FAT3: variants seen among roughly 807,000 people sequenced by gnomAD.
FAT3 encodes the protein protocadherin Fat 3.
A neutral mutation model predicts 310.2 loss-of-function variants in FAT3; 95 were observed. The ratio of observed to expected loss-of-function variants is 0.31; its 90% confidence interval spans 0.26 to 0.36. FAT3 has a LOEUF of 0.36. Among genes scored for constraint, FAT3 ranks in the 10% least tolerant of loss-of-function variants. The pLI is 1.00. For missense variants in FAT3, 5,408 were observed against 5,715.6 expected, an observed-to-expected ratio of 0.95 and a Z score of 1.74; for synonymous variants, 2,314 against 2,192.9, an observed-to-expected ratio of 1.06 and a Z score of -1.54.
chr11:92,444,716 A>G lies in FAT3; in HGVS notation c.3293-79918A>G, dbSNP rs573716093. On this transcript the variant is annotated intron_variant, in intron 2 of 27. Coordinates refer to ENST00000525166, the MANE Select transcript of FAT3 (RefSeq NM_001367949.2). ...TTTTCTTAGAAGCACACTAATTTTT[A>G]GGACTAGATGGATCAGTTTTATAGC... Among the ~76,000 whole-genome samples the G allele has an allele frequency of 4.0e-5, 6 of 151,288 alleles. No individual in the cohort carries two copies. In the East Asian group the frequency reaches 1.2e-3, roughly 30 times the overall value.
chr11:92,476,160 A>G (rs1432778325), intron 2 of FAT3, among the ~76,000 whole-genome samples: 2 of 151,994 alleles, frequency 1.3e-5, no homozygotes, highest in African/African-American at 4.8e-5. Flanking sequence ...AAAGAGGTCT[A>G]CCAAATACTG....
At position 92,430,189 on chromosome 11, in the gene FAT3, C is replaced by A. The variant is rs141020938; in HGVS notation, c.3292+74785C>A. On this transcript the variant is annotated intron_variant, in intron 2 of 27. Transcript: ENST00000525166. ...ATTCAGCTATTGATACTTGTGTGTG[C>A]TTCACAAAGTCCTCATGCTGTGTTT... is the stretch of plus-strand genomic sequence containing the variant. Among the ~76,000 whole-genome samples the A allele has an allele frequency of 6.6e-4, 101 of 152,278 alleles. No homozygotes were observed. In the East Asian group the frequency reaches 0.013, roughly 20 times the overall value.
At chr11:92,689,223 T>C (rs1278490100) in intron 3 of FAT3, among the ~76,000 whole-genome samples, 1 of 152,182 alleles carries the variant, frequency 6.6e-6, no homozygotes, top group African/African-American at 2.4e-5. Context: ...CTAGCCAGTA[T>C]ACTACAATGC....
At chr11:92,559,068 G>A (rs1216541115) in intron 3 of FAT3, among the ~76,000 whole-genome samples, 32 of 152,130 alleles carry the variant, frequency 2.1e-4, no homozygotes, top group Admixed American at 2.1e-3. Flanking sequence ...AAGAGGTGAG[G>A]AAATTGAGAT....
intron 19 of FAT3, among the ~76,000 whole-genome samples, chr11:92,854,384 C>T (rs552279589): frequency 3.3e-5 from 5 of 152,234 alleles, no homozygotes; most frequent in African/African-American, 1.2e-4. Flanking sequence ...CCCAGGAGTG[C>T]AGGGTTCACA....
Position 92,835,066 on chromosome 11 carries a change from G to A in FAT3, c.10068G>A (p.Val3356=), listed in dbSNP as rs1948370989. ...YSAVISEDAL[V]GDSVILLIAE... is the part of the protein sequence containing the mutation. ...CGGTTATCAGTGAAGACGCCTTGGT[G>A]GGAGACTCTGTCATTTTGGTAGGTA... Residue 3356 remains valine (V), a synonymous_variant, in exon 15 of 28, where the codon GTG becomes GTA. Transcript: ENST00000525166. 2 of 1,612,432 alleles carry A rather than the reference G, an allele frequency of 1.2e-6. No individual in the cohort carries two copies. The highest frequency in any genetic ancestry group is 1.7e-6 in the Non-Finnish European group (2 of 1,179,446).
chr11:92,291,080 T>TACACACACAC (rs141883138), intron 1 of FAT3, among the ~76,000 whole-genome samples: 22,550 of 142,598 alleles, frequency 0.16, 1,998 homozygotes, highest in East Asian at 0.25. Flanking sequence ...CTTTTTATTC[T>TACACACACAC]ACACACACAC....
intron 2 of FAT3, among the ~76,000 whole-genome samples, chr11:92,468,309 C>G (rs1951822941): frequency 6.6e-6 from 1 of 152,198 alleles, no homozygotes; most frequent in Admixed American, 6.6e-5. Context: ...TTCTCTTAGA[C>G]AAAAGGACAC....
At chr11:92,813,217 C>T (rs961575056) in intron 13 of FAT3, among the ~76,000 whole-genome samples, 3 of 152,120 alleles carry the variant, frequency 2.0e-5, no homozygotes, top group African/African-American at 7.2e-5. Flanking sequence ...CTTGTGTTAC[C>T]TCCTGACCTC....
chr11:92,512,592 A>T (rs1287029810), intron 2 of FAT3, among the ~76,000 whole-genome samples: 2 of 147,326 alleles, frequency 1.4e-5, no homozygotes, highest in Non-Finnish European at 3.0e-5. Flanking sequence ...TTTATATATT[A>T]AATATGTTTT....
intron 2 of FAT3, among the ~76,000 whole-genome samples, chr11:92,486,789 C>T (rs775734047): frequency 7.2e-5 from 11 of 152,172 alleles, no homozygotes; most frequent in African/African-American, 1.4e-4. Context: ...CAGAGGTGAA[C>T]TCTGATCCTT....
chr11:92,561,445 T>TA, intron 3 of FAT3, among the ~76,000 whole-genome samples: 1 of 152,146 alleles, frequency 6.6e-6, no homozygotes. Context: ...CATTTGAAAA[T>TA]ACTTGAGAGT....
At chr11:92,510,219 C>T (rs1300480014) in intron 2 of FAT3, among the ~76,000 whole-genome samples, 3 of 152,276 alleles carry the variant, frequency 2.0e-5, no homozygotes, top group East Asian at 1.9e-4. Flanking sequence ...ACAACCTCCA[C>T]GTTTTCAGTC....
chr11:92,438,193 A>G (rs1950988297), intron 2 of FAT3, among the ~76,000 whole-genome samples: 1 of 152,252 alleles, frequency 6.6e-6, no homozygotes, highest in Admixed American at 6.5e-5. Flanking sequence ...AAAATAAAAT[A>G]AAGACATGTT....
chr11:92,571,031 G>T (rs940920965), intron 3 of FAT3, among the ~76,000 whole-genome samples: 1 of 152,146 alleles, frequency 6.6e-6, no homozygotes, highest in East Asian at 1.9e-4. Context: ...ACCAAAGACC[G>T]TGCTGGGTCC....
intron 1 of FAT3, among the ~76,000 whole-genome samples, chr11:92,255,457 G>A (rs1319954566): frequency 6.6e-6 from 1 of 151,702 alleles, no homozygotes; most frequent in Non-Finnish European, 1.5e-5. Context: ...CACAGAGTAT[G>A]GACTCACTAC....
At chr11:92,851,299 C>T (rs1190950568) in intron 19 of FAT3, among the ~76,000 whole-genome samples, 1 of 152,142 alleles carries the variant, frequency 6.6e-6, no homozygotes, top group Non-Finnish European at 1.5e-5. Flanking sequence ...TTTTGAGACC[C>T]TGTAGTAATT....
chr11:92,456,231 A>G (rs891661875), intron 2 of FAT3, among the ~76,000 whole-genome samples: 1 of 152,210 alleles, frequency 6.6e-6, no homozygotes, highest in Non-Finnish European at 1.5e-5. Context: ...AAAGCCTATC[A>G]AACACCTAAA....
At chr11:92,414,115 C>A (rs554389462) in intron 2 of FAT3, among the ~76,000 whole-genome samples, 1 of 152,124 alleles carries the variant, frequency 6.6e-6, no homozygotes, top group Non-Finnish European at 1.5e-5. Context: ...AGGATTTTCT[C>A]TTGTTTGGCA....
Sources: allele counts gnomAD v4.1 joint callset (sites outside exome capture counted in the v4.1 genomes callset), GRCh38; gene constraint gnomAD v4.1.1; transcripts MANE v1.5; gene names NCBI Gene and HGNC (gene_info 2026-07-23, HGNC 2026-07-21).